SUGCT: variants seen among roughly 807,000 people sequenced by gnomAD.
SUGCT encodes succinyl-CoA:glutarate CoA-transferase.
Under a neutral mutation model 55.0 loss-of-function variants are expected in SUGCT, and 41 were observed. The ratio of observed to expected loss-of-function variants is 0.74; its 90% CI spans 0.58 to 0.97. SUGCT has a LOEUF of 0.97. Among genes scored for constraint, SUGCT ranks in the 50% least tolerant of loss-of-function variants. SUGCT has a pLI of 0.00. For synonymous variants in SUGCT, 187 were observed against 200.4 expected, an observed-to-expected ratio of 0.93 and a Z score of 0.56; for missense variants, 568 against 547.8, an observed-to-expected ratio of 1.04 and a Z score of -0.37.
At chr7:40,496,011 A>G (rs1436102904) in intron 11 of SUGCT, among the ~76,000 whole-genome samples, 2 of 152,170 alleles carry the variant, frequency 1.3e-5, no homozygotes, top group African/African-American at 4.8e-5. Flanking sequence ...TAAATTCATA[A>G]ATTGCTCAGA....
intron 13 of SUGCT, among the ~76,000 whole-genome samples, chr7:40,756,459 A>T (rs1019231709): frequency 6.6e-6 from 1 of 152,162 alleles, no homozygotes; most frequent in African/African-American, 2.4e-5. Flanking sequence ...TGTATTTTCC[A>T]TGCATTACAA....
At chr7:40,845,492 GA>G (rs1048613725) in intron 13 of SUGCT, among the ~76,000 whole-genome samples, 1 of 152,174 alleles carries the variant, frequency 6.6e-6, no homozygotes. Context: ...GAACCAAGGG[GA>G]TGACAGAAAA....
chr7:40,929,333 C>T, the SUGCT span, among the ~76,000 whole-genome samples: 1 of 152,100 alleles, frequency 6.6e-6, no homozygotes, highest in Non-Finnish European at 1.5e-5. Flanking sequence ...TTGATAGGCA[C>T]TTGGGTTGGT....
the SUGCT span, among the ~76,000 whole-genome samples, chr7:40,988,592 C>T: frequency 6.6e-6 from 1 of 151,804 alleles, no homozygotes; most frequent in Non-Finnish European, 1.5e-5. Context: ...AATAATACTG[C>T]TATAGAAAAA....
chr7:40,797,647 G>A (rs1053110036), intron 13 of SUGCT, among the ~76,000 whole-genome samples: 18 of 151,996 alleles, frequency 1.2e-4, no homozygotes, highest in Non-Finnish European at 2.4e-4. Context: ...CCAACCTTTG[G>A]ACCAGCCACT....
chr7:40,848,789 T>C (rs1793709786), intron 13 of SUGCT, among the ~76,000 whole-genome samples: 1 of 152,236 alleles, frequency 6.6e-6, no homozygotes, highest in Admixed American at 6.5e-5. Flanking sequence ...CTGTTAAAAA[T>C]ATCCAAAGCC....
rs1481198678 is a variant in SUGCT, at chr7:40,135,137, G to A, written c.100+17G>A. 5.2e-6 allele frequency: 8 copies of A among 1,538,982 alleles called. No homozygotes were observed. The highest frequency in any genetic ancestry group is 1.4e-5 in the African/African-American group (1 of 71,260). ...CGCAGTCAGGTACCCTCCGAGATTC[G>A]GTCTGGGTGGCTAAAGGGATCCCTG... On this transcript the variant is annotated intron_variant, in intron 1 of 13. Coordinates refer to ENST00000335693, the MANE Select transcript of SUGCT (RefSeq NM_001193313.2).
chr7:40,794,023 T>G (rs998683701), intron 13 of SUGCT, among the ~76,000 whole-genome samples: 31 of 152,258 alleles, frequency 2.0e-4, no homozygotes, highest in Admixed American at 1.7e-3. Context: ...GAGTGATTTT[T>G]TTTCTTATAA....
the SUGCT span, among the ~76,000 whole-genome samples, chr7:40,988,701 G>T: frequency 6.6e-6 from 1 of 152,028 alleles, no homozygotes; most frequent in African/African-American, 2.4e-5. Flanking sequence ...AAGCGTTAAA[G>T]ATAAACTAAA....
At chr7:40,625,929 T>C (rs1799506850) in intron 12 of SUGCT, among the ~76,000 whole-genome samples, 1 of 152,204 alleles carries the variant, frequency 6.6e-6, no homozygotes, top group African/African-American at 2.4e-5. Context: ...AAGCATGGTG[T>C]GAAGCACTTC....
intron 11 of SUGCT, among the ~76,000 whole-genome samples, chr7:40,474,586 A>G (rs1421607655): frequency 6.6e-6 from 1 of 152,180 alleles, no homozygotes; most frequent in African/African-American, 2.4e-5. Flanking sequence ...TGTCAGCAGC[A>G]TGGAACTGTT....
intron 9 of SUGCT, among the ~76,000 whole-genome samples, chr7:40,328,115 C>A (rs1467903506): frequency 7.2e-5 from 11 of 152,148 alleles, no homozygotes; most frequent in Non-Finnish European, 1.6e-4. Context: ...AATTATGTGA[C>A]CTTTTCCTCT....
At chr7:40,276,559 A>G (rs1792492952) in intron 8 of SUGCT, among the ~76,000 whole-genome samples, 1 of 152,142 alleles carries the variant, frequency 6.6e-6, no homozygotes, top group Non-Finnish European at 1.5e-5. Flanking sequence ...CCTGATTTTT[A>G]CCTAGGCTGC....
the SUGCT span, among the ~76,000 whole-genome samples, chr7:40,902,361 C>T: frequency 2.6e-5 from 4 of 151,974 alleles, no homozygotes; most frequent in East Asian, 1.9e-4. Flanking sequence ...AGGTGGATCA[C>T]GAGGTCCGGA....
At chr7:40,503,641 T>A (rs540230607) in intron 12 of SUGCT, among the ~76,000 whole-genome samples, 33 of 152,258 alleles carry the variant, frequency 2.2e-4, no homozygotes, top group Middle Eastern at 3.4e-3. Context: ...TAAGATTATA[T>A]CTATGCTTTA....
intron 12 of SUGCT, among the ~76,000 whole-genome samples, chr7:40,672,823 A>G (rs1391815710): frequency 6.6e-6 from 1 of 152,210 alleles, no homozygotes; most frequent in Non-Finnish European, 1.5e-5. Context: ...AATTTCATTT[A>G]GGTATAGTTT....
intron 11 of SUGCT, among the ~76,000 whole-genome samples, chr7:40,470,785 TTCTC>T (rs1256760965): frequency 1.3e-5 from 2 of 148,620 alleles, no homozygotes; most frequent in African/African-American, 5.1e-5. Context: ...CTCTCTGTCT[TTCTC>T]TCTCTGTCAC....
At chr7:40,327,164 A>G (rs1030919981) in intron 9 of SUGCT, among the ~76,000 whole-genome samples, 2 of 152,214 alleles carry the variant, frequency 1.3e-5, no homozygotes, top group South Asian at 2.1e-4. Context: ...CTTTAGTTCT[A>G]AAGTTTTTGG....
At chr7:40,423,498 T>A (rs570018800) in intron 9 of SUGCT, among the ~76,000 whole-genome samples, 11 of 152,264 alleles carry the variant, frequency 7.2e-5, no homozygotes, top group African/African-American at 2.4e-4. Flanking sequence ...ACATAATTTT[T>A]AAAAATCTTT....
Sources: allele counts gnomAD v4.1 joint callset (sites outside exome capture counted in the v4.1 genomes callset), GRCh38; gene constraint gnomAD v4.1.1; transcripts MANE v1.5; gene names NCBI Gene and HGNC (gene_info 2026-07-23, HGNC 2026-07-21).